IL1RAPL2: variants seen among roughly 807,000 people sequenced by gnomAD.
IL1RAPL2 encodes X-linked interleukin-1 receptor accessory protein-like 2.
In IL1RAPL2, 3 loss-of-function variants were observed where a neutral mutation model predicts 44.1. That is an observed-to-expected ratio of 0.07 (90% confidence interval 0.03 to 0.18). The LOEUF is 0.18. Ranked by LOEUF, IL1RAPL2 falls within the 10% of genes least tolerant of loss-of-function variation. IL1RAPL2 has a pLI of 1.00. For synonymous variants in IL1RAPL2, 181 were observed against 178.8 expected (o/e 1.01, Z -0.10); for missense variants, 391 against 496.4 (o/e 0.79, Z 2.02).
intron 2 of IL1RAPL2, among the ~76,000 whole-genome samples, chrX:104,953,065 A>G (rs1177820528): frequency 8.9e-6 from 1 of 111,897 alleles, no homozygotes; most frequent in African/African-American, 3.2e-5. Flanking sequence ...TTGCAAAAGG[A>G]AAGTTTTTTT....
chrX:104,982,409 T>C (rs1183276973), intron 2 of IL1RAPL2, among the ~76,000 whole-genome samples: 3 of 111,167 alleles, frequency 2.7e-5, no homozygotes, highest in East Asian at 2.8e-4. Context: ...TTTATGAGCA[T>C]TTTTACTTTC....
rs753634020 is a variant in IL1RAPL2 at position 104,921,333 on chromosome X, A to C, written c.82+262338A>C. Among the ~76,000 whole-genome samples, 200 of 108,074 alleles carry C rather than the reference A, an allele frequency of 1.9e-3. 1 individual carries two copies. The highest frequency in any genetic ancestry group is 6.4e-3 in the African/African-American group (188 of 29,439). 93.8% of individuals were successfully genotyped at this position (108,074 alleles called of 115,157 possible). A position where few individuals can be genotyped will look rare whatever the true frequency, so the allele number is the denominator to read the frequency against. ...GAGAACAGGGCCAGGGAATGCTCACATGCCCAAGACAGGTCCCACTGCCAT... is the reference window on the plus strand; with the variant it reads ...GAGAACAGGGCCAGGGAATGCTCACCTGCCCAAGACAGGTCCCACTGCCAT... On this transcript the variant is annotated intron_variant, in intron 2 of 10. Coordinates refer to ENST00000372582, the MANE Select transcript of IL1RAPL2 (RefSeq NM_017416.2).
chrX:105,048,894 G>T (rs1271586881), intron 2 of IL1RAPL2, among the ~76,000 whole-genome samples: 1 of 111,922 alleles, frequency 8.9e-6, no homozygotes, highest in Non-Finnish European at 1.9e-5. Context: ...CCTCTGTTAG[G>T]CACCACAGAT....
intron 6 of IL1RAPL2, among the ~76,000 whole-genome samples, chrX:105,681,465 T>A (rs1205118199): frequency 8.9e-6 from 1 of 112,107 alleles, no homozygotes; most frequent in East Asian, 2.8e-4. Flanking sequence ...TATTTAAAAA[T>A]TTACATCATA....
chrX:104,958,363 G>C (rs765531615), intron 2 of IL1RAPL2, among the ~76,000 whole-genome samples: 1 of 107,986 alleles, frequency 9.3e-6, no homozygotes, highest in Non-Finnish European at 1.9e-5. Flanking sequence ...TACCAGGTCA[G>C]ACTGCCTGGA....
chrX:105,448,551 G>A (rs113216055), intron 5 of IL1RAPL2, among the ~76,000 whole-genome samples: 4,567 of 109,942 alleles, frequency 0.042, 230 homozygotes, highest in African/African-American at 0.14. Context: ...TTTTAGTAGA[G>A]ACGGGGTTTC....
At chrX:105,040,832 C>A (rs1434214858) in intron 2 of IL1RAPL2, among the ~76,000 whole-genome samples, 1 of 104,607 alleles carries the variant, frequency 9.6e-6, no homozygotes, top group African/African-American at 3.6e-5. Flanking sequence ...AAAACCAGCT[C>A]CTGGATTCAT....
At chrX:105,599,111 G>T (rs974433031) in intron 6 of IL1RAPL2, among the ~76,000 whole-genome samples, 27 of 111,850 alleles carry the variant, frequency 2.4e-4, no homozygotes, top group African/African-American at 8.8e-4. Context: ...GAAGAGTATG[G>T]GTCAAGCCAC....
intron 6 of IL1RAPL2, among the ~76,000 whole-genome samples, chrX:105,687,764 A>G (rs1042072407): frequency 1.9e-4 from 21 of 111,726 alleles, no homozygotes; most frequent in Non-Finnish European, 3.4e-4. Context: ...TGGCAGAGAC[A>G]CAACAAAAAA....
intron 6 of IL1RAPL2, among the ~76,000 whole-genome samples, chrX:105,637,054 A>G (rs777478219): frequency 9.0e-6 from 1 of 111,249 alleles, no homozygotes; most frequent in Admixed American, 9.6e-5. Flanking sequence ...GATGAGGGCT[A>G]TAGGTTCCAG....
In IL1RAPL2 at chrX:104,594,488, C is replaced by G. The variant is rs999068444; in HGVS notation, c.-20+27437C>G. ...TGCTCTCTTAGTTGTTCAGACCCAA[C>G]ACACTAAAAGGGGTGCCCTTTCATT... On this transcript the variant is annotated intron_variant, in intron 1 of 10. Coordinates refer to ENST00000372582, the MANE Select transcript of IL1RAPL2 (RefSeq NM_017416.2). Among the ~76,000 whole-genome samples the G allele has an allele frequency of 4.5e-5, 5 of 111,600 alleles. No homozygotes were observed. The Admixed American group carries it at 4.8e-4, about 11-fold the overall frequency.
chrX:105,200,836 G>A (rs1372403691), intron 3 of IL1RAPL2, among the ~76,000 whole-genome samples: 4 of 111,009 alleles, frequency 3.6e-5, no homozygotes, highest in South Asian at 7.7e-4. Context: ...TGCTTGAATC[G>A]GGAGGCAGAG....
intron 6 of IL1RAPL2, among the ~76,000 whole-genome samples, chrX:105,596,897 C>T (rs958255850): frequency 2.7e-5 from 3 of 111,848 alleles, no homozygotes; most frequent in African/African-American, 9.8e-5. Flanking sequence ...AGCCCTTTGA[C>T]ATTGATCTTG....
chrX:104,816,426 G>A (rs1921137796), intron 2 of IL1RAPL2, among the ~76,000 whole-genome samples: 1 of 112,067 alleles, frequency 8.9e-6, no homozygotes, highest in African/African-American at 3.2e-5. Flanking sequence ...GGCACGCAGT[G>A]AGCCCTTCAG....
intron 6 of IL1RAPL2, among the ~76,000 whole-genome samples, chrX:105,625,806 T>G (rs953387083): frequency 1.3e-3 from 114 of 89,371 alleles, no homozygotes; most frequent in Non-Finnish European, 2.5e-3. Flanking sequence ...TTGGAAGAAT[T>G]AGAAAAAAAA....
At chrX:105,682,402 A>G (rs1180197218) in intron 6 of IL1RAPL2, among the ~76,000 whole-genome samples, 2 of 111,881 alleles carry the variant, frequency 1.8e-5, no homozygotes, top group Non-Finnish European at 3.8e-5. Flanking sequence ...GTGAATTCCT[A>G]TTTGAAATCT....
At chrX:105,170,448 C>T in intron 2 of IL1RAPL2, among the ~76,000 whole-genome samples, 1 of 111,123 alleles carries the variant, frequency 9.0e-6, no homozygotes, top group East Asian at 2.8e-4. Flanking sequence ...CTTACTATTA[C>T]TAATATTGAC....
rs2038745731 is a variant in IL1RAPL2, at chrX:105,767,784, CT to C, written c.*127del. 11 of 510,617 alleles carry C rather than the reference CT, an allele frequency of 2.2e-5. No homozygotes were observed. The East Asian group carries it at 4.0e-4, about 18-fold the overall frequency. The allele number at this position is 510,617 out of a possible 1,213,427, so 42.1% of individuals were successfully genotyped here. A position where few individuals can be genotyped will look rare whatever the true frequency, so the allele number is the denominator to read the frequency against. On this transcript the variant is annotated 3_prime_UTR_variant, in exon 11 of 11. Coordinates refer to ENST00000372582, the MANE Select transcript of IL1RAPL2 (RefSeq NM_017416.2). ...TTTGAAGAAAAAGGTACAAAAATGG[CT>C]TTTATACTTAAATATTTTTGTTTAC...
intron 2 of IL1RAPL2, among the ~76,000 whole-genome samples, chrX:104,809,601 T>G (rs1322368805): frequency 2.7e-5 from 3 of 109,807 alleles, no homozygotes; most frequent in Non-Finnish European, 3.8e-5. Context: ...TAAATTTGTT[T>G]GAGTTCATTG....
Sources: allele counts gnomAD v4.1 joint callset (sites outside exome capture counted in the v4.1 genomes callset), GRCh38; gene constraint gnomAD v4.1.1; transcripts MANE v1.5; gene names NCBI Gene and HGNC (gene_info 2026-07-23, HGNC 2026-07-21).